The following GPC5 variants were observed in gnomAD, a reference collection of about 807,000 sequenced individuals.
The protein encoded by GPC5 is glypican-5.
A neutral mutation model predicts 53.9 loss-of-function variants in GPC5; 47 were observed. The ratio of observed to expected loss-of-function variants is 0.87; its 90% CI spans 0.69 to 1.11. The LOEUF (loss-of-function observed/expected upper bound fraction) is 1.11, where lower values mean the gene tolerates loss of function less well. Ranked by LOEUF, GPC5 falls within the 50% of genes most tolerant of loss-of-function variation. GPC5 has a pLI of 0.00. For synonymous variants in GPC5, 286 were observed against 263.3 expected, an observed-to-expected ratio of 1.09 and a Z score of -0.84; for missense variants, 748 against 713.1, an observed-to-expected ratio of 1.05 and a Z score of -0.56.
intron 7 of GPC5, among the ~76,000 whole-genome samples, chr13:92,158,412 C>T (rs1415314873): frequency 1.3e-5 from 2 of 152,102 alleles, no homozygotes; most frequent in East Asian, 3.9e-4. Context: ...CAAGAAGTTC[C>T]AGTGATGTTT....
intron 7 of GPC5, among the ~76,000 whole-genome samples, chr13:92,783,621 C>A (rs1876109321): frequency 6.6e-6 from 1 of 152,146 alleles, no homozygotes; most frequent in Non-Finnish European, 1.5e-5. Flanking sequence ...GGCCAGAATC[C>A]ATTAGTTTCC....
intron 6 of GPC5, among the ~76,000 whole-genome samples, chr13:91,967,102 A>G (rs1594693680): frequency 6.6e-6 from 1 of 152,236 alleles, no homozygotes; most frequent in East Asian, 1.9e-4. Flanking sequence ...CCTCATAATC[A>G]TGGCAGAAGG....
At chr13:92,373,112 T>C (rs535949502) in intron 7 of GPC5, among the ~76,000 whole-genome samples, 8 of 152,272 alleles carry the variant, frequency 5.3e-5, no homozygotes, top group African/African-American at 1.9e-4. Context: ...CCAAAGCTAA[T>C]AGATTACATG....
At chr13:92,683,613 A>G (rs564283534) in intron 7 of GPC5, among the ~76,000 whole-genome samples, 1 of 152,354 alleles carries the variant, frequency 6.6e-6, no homozygotes, top group Non-Finnish European at 1.5e-5. Context: ...TACTTTTTCT[A>G]TTAATTTATA....
intron 7 of GPC5, among the ~76,000 whole-genome samples, chr13:92,581,122 A>G (rs1883353830): frequency 6.6e-6 from 1 of 152,146 alleles, no homozygotes; most frequent in Non-Finnish European, 1.5e-5. Flanking sequence ...AATATACAAT[A>G]TATTTGCATT....
At chr13:91,985,889 C>T (rs999045192) in intron 6 of GPC5, among the ~76,000 whole-genome samples, 1 of 151,906 alleles carries the variant, frequency 6.6e-6, no homozygotes, top group African/African-American at 2.4e-5. Flanking sequence ...TTAGGGGATA[C>T]ATGCAAAAAA....
At chr13:92,330,009 T>TC (rs920992245) in intron 7 of GPC5, among the ~76,000 whole-genome samples, 4 of 152,124 alleles carry the variant, frequency 2.6e-5, no homozygotes, top group African/African-American at 9.7e-5. Context: ...CAAAACTTTT[T>TC]TTTTAAATGC....
intron 7 of GPC5, among the ~76,000 whole-genome samples, chr13:92,187,010 G>A (rs771803666): frequency 1.3e-5 from 2 of 152,076 alleles, no homozygotes; most frequent in Non-Finnish European, 2.9e-5. Flanking sequence ...TGCTCAGGAG[G>A]CTGAGGTAGG....
chr13:91,421,690 T>A (rs965276456), intron 1 of GPC5, among the ~76,000 whole-genome samples: 2 of 152,186 alleles, frequency 1.3e-5, no homozygotes, highest in African/African-American at 4.8e-5. Context: ...GGCTGTAACT[T>A]GTAAAAGAAA....
At chr13:91,467,584 T>C (rs1467310538) in intron 2 of GPC5, among the ~76,000 whole-genome samples, 2 of 152,180 alleles carry the variant, frequency 1.3e-5, no homozygotes, top group Non-Finnish European at 2.9e-5. Context: ...TTTTTGTCTA[T>C]GTTGATGCTG....
intron 4 of GPC5, among the ~76,000 whole-genome samples, chr13:91,754,482 A>G (rs1447549543): frequency 6.6e-6 from 1 of 152,136 alleles, no homozygotes; most frequent in Non-Finnish European, 1.5e-5. Flanking sequence ...ATCCACCAAG[A>G]CTGAATTAGG....
intron 6 of GPC5, among the ~76,000 whole-genome samples, chr13:92,051,202 T>G (rs1201684043): frequency 7.5e-6 from 1 of 133,912 alleles, no homozygotes; most frequent in African/African-American, 3.0e-5. Flanking sequence ...TTTTTTTCTT[T>G]TTTTTTTTTT....
chr13:92,486,626 C>A (rs1879564156), intron 7 of GPC5, among the ~76,000 whole-genome samples: 2 of 152,064 alleles, frequency 1.3e-5, no homozygotes, highest in South Asian at 4.1e-4. Context: ...TTTGGAGGTA[C>A]TTGATTGTAT....
At chr13:92,327,671 AC>A (rs1465533120) in intron 7 of GPC5, among the ~76,000 whole-genome samples, 16 of 152,260 alleles carry the variant, frequency 1.1e-4, no homozygotes, top group African/African-American at 3.6e-4. Flanking sequence ...TCGTGTTATC[AC>A]TGTGAATCAC....
chr13:92,251,672 C>G (rs1053737877), intron 7 of GPC5, among the ~76,000 whole-genome samples: 2 of 152,102 alleles, frequency 1.3e-5, no homozygotes, highest in Admixed American at 1.3e-4. Context: ...CTAGCACATA[C>G]AAGACCCTGA....
intron 6 of GPC5, among the ~76,000 whole-genome samples, chr13:92,077,296 C>T (rs1164659568): frequency 6.6e-6 from 1 of 152,056 alleles, no homozygotes; most frequent in Non-Finnish European, 1.5e-5. Context: ...AATATTTTAC[C>T]GAGTTTGACT....
chr13:91,840,989 A>G lies in GPC5; in HGVS notation c.1281-66948A>G, dbSNP rs374957573. ...CCCTGAGAACCAGAAAAAATGAAAT[A>G]ATAATACTTTGAATTGATTGTTAGC... On this transcript the variant is annotated intron_variant, in intron 5 of 7. Transcript: ENST00000377067. Among the ~76,000 whole-genome samples, 18 of 144,238 alleles carry G rather than the reference A, an allele frequency of 1.2e-4. No homozygotes were observed. The South Asian group carries it at 3.7e-3, about 30-fold the overall frequency. The allele number at this position is 144,238 out of a possible 152,430, so 94.6% of individuals were successfully genotyped here. A position where few individuals can be genotyped will look rare whatever the true frequency, so the allele number is the denominator to read the frequency against.
chr13:92,783,926 G>T (rs561320842), intron 7 of GPC5, among the ~76,000 whole-genome samples: 2 of 152,256 alleles, frequency 1.3e-5, no homozygotes, highest in South Asian at 4.1e-4. Context: ...TTTTACTTCT[G>T]TTTAAATCCA....
intron 7 of GPC5, among the ~76,000 whole-genome samples, chr13:92,701,989 G>A (rs1887759980): frequency 6.6e-6 from 1 of 151,984 alleles, no homozygotes; most frequent in Admixed American, 6.6e-5. Context: ...AGAAACCCCT[G>A]TCATTTCAAA....
Sources: allele counts gnomAD v4.1 joint callset (sites outside exome capture counted in the v4.1 genomes callset), GRCh38; gene constraint gnomAD v4.1.1; transcripts MANE v1.5; gene names NCBI Gene and HGNC (gene_info 2026-07-23, HGNC 2026-07-21).